Variants in TMEM39A observed in about 807,000 individuals in gnomAD.
TMEM39A encodes suppressor of SQST-1 aggregates in rpl-43 mutants.
In TMEM39A, 19 loss-of-function variants were observed where a neutral mutation model predicts 51.9. The ratio of observed to expected loss-of-function variants is 0.37; its 90% confidence interval spans 0.26 to 0.54. The LOEUF (loss-of-function observed/expected upper bound fraction) is 0.54. TMEM39A is among the 20% of genes least tolerant of loss of function. The pLI is 0.88. For missense variants in TMEM39A, 433 were observed against 590.5 expected (o/e 0.73, Z 2.76); for synonymous variants, 197 against 220.2 (o/e 0.89, Z 0.93).
At position 119,458,203 on chromosome 3, in the gene TMEM39A, T is replaced by G. The variant is rs1259922053; in HGVS notation, c.151A>C (p.Thr51Pro). 3.1e-6 allele frequency: 5 copies of G among 1,614,104 alleles called. No homozygotes were observed. The South Asian group carries it at 4.4e-5, about 14-fold the overall frequency. The change falls in exon 3 of 9, where the codon ACA becomes CCA. Residue 51 changes from threonine (T) to proline (P), a missense_variant. Transcript: ENST00000319172. The part of the protein sequence containing the change: ...SAIGLPVPPI[T>P]ALITPGPVRH... ...ACAGGACCTGGGGTGATTAAGGCTG[T>G]GATAGGTGGGACTGGAAGGCCAATA...
chr3:119,461,873 A>T (rs1339701845), intron 2 of TMEM39A, 89 bp downstream of exon 2: 1 of 1,039,040 alleles, frequency 9.6e-7, no homozygotes, highest in African/African-American at 1.6e-5. Context: ...AATCTCAATA[A>T]GCAAATATCT....
At chr3:119,444,040 C>G (rs1373836592) in intron 5 of TMEM39A, among the ~76,000 whole-genome samples, 2 of 152,180 alleles carry the variant, frequency 1.3e-5, no homozygotes, top group African/African-American at 4.8e-5. Flanking sequence ...CAGTCTGGAA[C>G]AGAACTTACA....
At chr3:119,456,350 T>C (rs1325205052) in intron 3 of TMEM39A, among the ~76,000 whole-genome samples, 1 of 152,138 alleles carries the variant, frequency 6.6e-6, no homozygotes, top group Non-Finnish European at 1.5e-5. Flanking sequence ...ACACAGAAAC[T>C]GACATTCTTA....
chr3:119,455,261 G>A (rs773517335), intron 3 of TMEM39A, among the ~76,000 whole-genome samples: 14 of 152,118 alleles, frequency 9.2e-5, no homozygotes, highest in African/African-American at 2.7e-4. Context: ...CTTGATCTCC[G>A]GCAGTCCAAT....
chr3:119,458,915 G>A (rs1560021787), intron 2 of TMEM39A, among the ~76,000 whole-genome samples: 1 of 152,050 alleles, frequency 6.6e-6, no homozygotes, highest in Non-Finnish European at 1.5e-5. Flanking sequence ...ACCAAAAAAA[G>A]AATATAAAAA....
intron 7 of TMEM39A, chr3:119,435,403 T>C: frequency 5.1e-6 from 5 of 985,156 alleles, no homozygotes; most frequent in Non-Finnish European, 6.0e-6. Context: ...TGTAAGAAGA[T>C]ATACAGTAGA....
intron 5 of TMEM39A, 53 bp downstream of exon 5, chr3:119,446,965 C>A: frequency 6.4e-7 from 1 of 1,561,686 alleles, no homozygotes; most frequent in South Asian, 1.2e-5. Flanking sequence ...GTTTACGTGA[C>A]CGAAATAATT....
intron 5 of TMEM39A, among the ~76,000 whole-genome samples, chr3:119,443,790 G>A (rs13081197): frequency 0.15 from 22,056 of 151,926 alleles, 2,010 homozygotes; most frequent in Admixed American, 0.2. Flanking sequence ...GGTGGCACAC[G>A]GCTACAGTCC....
chr3:119,431,009 A>G lies in TMEM39A; in HGVS notation c.*972T>C, dbSNP rs1451685810. 1 of 152,202 alleles carries G rather than the reference A, an allele frequency of 6.6e-6. No individual in the cohort carries two copies. The highest frequency in any genetic ancestry group is 1.5e-5 in the Non-Finnish European group (1 of 68,008). The allele number at this position is 152,202 out of a possible 1,614,324, so 9.4% of individuals were successfully genotyped here. On this transcript the variant is annotated 3_prime_UTR_variant, in exon 9 of 9. Transcript: ENST00000319172. Reference sequence around the variant, plus strand: ...ATGAAAGTTCTGGAGTATGAAATTTAAAACACAAATTTTGGATATAAATTA... The same window carrying G: ...ATGAAAGTTCTGGAGTATGAAATTTGAAACACAAATTTTGGATATAAATTA...
chr3:119,431,732 T>C lies in TMEM39A; in HGVS notation c.*249A>G, dbSNP rs1407926551. On this transcript the variant is annotated 3_prime_UTR_variant, in exon 9 of 9. Transcript: ENST00000319172. ...AAACGAATGAGTTATTCCAGAGCCA[T>C]ACAAACAAATCAATCTCTTTACTGG... The C allele has an allele frequency of 3.4e-6, 1 of 297,070 alleles. No individual in the cohort carries two copies. The highest frequency in any genetic ancestry group is 6.2e-6 in the Non-Finnish European group (1 of 160,754). 18.4% of individuals were successfully genotyped at this position (297,070 alleles called of 1,614,324 possible).
intron 3 of TMEM39A, among the ~76,000 whole-genome samples, chr3:119,453,218 G>A (rs1222398048): frequency 1.3e-5 from 2 of 152,114 alleles, no homozygotes; most frequent in African/African-American, 4.8e-5. Context: ...AAGGTCTGTA[G>A]GTTTCCACAA....
At chr3:119,433,765 A>G (rs1342350473) in intron 8 of TMEM39A, among the ~76,000 whole-genome samples, 2 of 152,158 alleles carry the variant, frequency 1.3e-5, no homozygotes, top group African/African-American at 2.4e-5. Flanking sequence ...TGGCGTCAAG[A>G]AGGAGATGCT....
intron 2 of TMEM39A, among the ~76,000 whole-genome samples, chr3:119,459,516 T>C (rs1405416526): frequency 2.6e-5 from 4 of 152,204 alleles, no homozygotes; most frequent in Non-Finnish European, 5.9e-5. Context: ...AAAACAATAG[T>C]TCTTCTCAAA....
chr3:119,436,641 T>C (rs2080971502), intron 7 of TMEM39A, 150 bp downstream of exon 7: 1 of 817,984 alleles, frequency 1.2e-6, no homozygotes, highest in African/African-American at 1.7e-5. Context: ...GTCCCTTGTA[T>C]TCAGTTTAGC....
intron 3 of TMEM39A, among the ~76,000 whole-genome samples, chr3:119,457,190 T>G (rs1200199313): frequency 6.6e-6 from 1 of 151,618 alleles, no homozygotes; most frequent in African/African-American, 2.4e-5. Context: ...CAGGATGGTC[T>G]CGATCTCTTA....
At chr3:119,436,541 TG>T (rs568942722) in intron 7 of TMEM39A, 59 of 357,988 alleles carry the variant, frequency 1.6e-4, no homozygotes, top group Non-Finnish European at 2.7e-4. Context: ...GTGCATTGCT[TG>T]GGAGACAAAT....
chr3:119,432,295 A>G (rs991859136), intron 8 of TMEM39A, 81 bp from the exon 9 acceptor site: 13 of 972,356 alleles, frequency 1.3e-5, no homozygotes, highest in Non-Finnish European at 2.0e-5. Flanking sequence ...TTTTTCTAAA[A>G]TAATTTAACA....
rs1435455503 is a variant in TMEM39A, at chr3:119,429,271, G to A, written c.*2710C>T. ...GGTGGTGACTGATAGGGACAGGAAG[G>A]AAAGGAGGATTAGGAATATAAACAT... is the stretch of plus-strand genomic sequence containing the variant. On this transcript the variant is annotated 3_prime_UTR_variant, in exon 9 of 9. Coordinates refer to ENST00000319172, the MANE Select transcript of TMEM39A (RefSeq NM_018266.3). Among the ~76,000 whole-genome samples the A allele has an allele frequency of 1.3e-5, 2 of 152,008 alleles. No homozygotes were observed. The highest frequency in any genetic ancestry group is 2.9e-5 in the Non-Finnish European group (2 of 67,948).
chr3:119,438,189 G>A, intron 5 of TMEM39A, 86 bp from the exon 6 acceptor site: 4 of 1,069,580 alleles, frequency 3.7e-6, no homozygotes, highest in South Asian at 1.9e-5. Context: ...TATAACTTAG[G>A]TCAATAAAAT....
Sources: allele counts gnomAD v4.1 joint callset (sites outside exome capture counted in the v4.1 genomes callset), GRCh38; gene constraint gnomAD v4.1.1; transcripts MANE v1.5; gene names NCBI Gene and HGNC (gene_info 2026-07-23, HGNC 2026-07-21).